Variants in WBP2 observed in about 807,000 individuals in gnomAD.
WBP2 encodes the protein WW domain binding protein 2, also known as WW domain-binding protein 2.
Under a neutral mutation model 33.0 loss-of-function variants are expected in WBP2, and 23 were observed. That is an observed-to-expected ratio of 0.70 (90% CI 0.50 to 0.99). The LOEUF (loss-of-function observed/expected upper bound fraction) is 0.99, where lower values mean the gene tolerates loss of function less well. Ranked by LOEUF, WBP2 falls within the 50% of genes least tolerant of loss-of-function variation. The pLI is 0.00. For synonymous variants in WBP2, 153 were observed against 133.5 expected (o/e 1.15, Z -1.01); for missense variants, 353 against 358.0 (o/e 0.99, Z 0.11).
intron 1 of WBP2, 135 bp from the exon 2 acceptor site, chr17:75,851,811 T>C: frequency 1.5e-6 from 1 of 657,622 alleles, no homozygotes; most frequent in Non-Finnish European, 2.8e-6. Context: ...GCATTAAAAC[T>C]ATTCATAGGG....
chr17:75,849,746 GGA>G lies in WBP2; in HGVS notation c.169-9_169-8del. On this transcript the variant is annotated splice_region_variant and splice_polypyrimidine_tract_variant and intron_variant, in intron 2 of 7. Transcript: ENST00000254806. The stretch of plus-strand genomic sequence containing the variant: ...CCTTGGACAGAAAGATGACCTGCAG[GGA>G]GAGAGGGTGAGGCCATCAGTACTAG... 1 of 1,613,800 alleles carries G rather than the reference GGA, an allele frequency of 6.2e-7. No individual in the cohort carries two copies. Among genetic ancestry groups the G allele is most frequent in the Non-Finnish European group, 8.5e-7 (1 of 1,179,984 alleles).
intron 1 of WBP2, 51 bp from the exon 2 acceptor site, chr17:75,851,727 C>T (rs1441998959): frequency 1.5e-5 from 21 of 1,404,388 alleles, no homozygotes; most frequent in East Asian, 2.3e-5. Context: ...GGAGACGCGA[C>T]GTCACCCAGA....
chr17:75,849,530 C>A (rs1278374298), intron 3 of WBP2, 74 bp downstream of exon 3: 8 of 1,585,096 alleles, frequency 5.0e-6, no homozygotes, highest in Non-Finnish European at 6.9e-6. Flanking sequence ...GGGACGCCCC[C>A]ACGGCGGCAG....
intron 1 of WBP2, 109 bp downstream of exon 1, chr17:75,855,130 C>T: frequency 1.3e-6 from 1 of 749,508 alleles, no homozygotes; most frequent in Non-Finnish European, 2.0e-6. Context: ...CAACCTCACT[C>T]CATCAGTGCT....
In WBP2 at chr17:75,847,950, G is replaced by A. The variant is rs1218752149; in HGVS notation, c.398-20C>T. On this transcript the variant is annotated intron_variant, in intron 4 of 7. Transcript: ENST00000254806. ...TGGAGGCTACGAGTACAAGGGGAAA[G>A]AGAAATGAGCGTGGCCTGCCTTGGG... 1.9e-6 allele frequency: 3 copies of A among 1,560,724 alleles called. No homozygotes were observed. In the African/African-American group the frequency reaches 4.1e-5, roughly 21 times the overall value.
chr17:75,848,770 G>T, intron 3 of WBP2, 108 bp from the exon 4 acceptor site: 1 of 997,072 alleles, frequency 1.0e-6, no homozygotes, highest in South Asian at 1.4e-5. Flanking sequence ...GGAGGCCTGC[G>T]GGGGCTGGGC....
chr17:75,847,991 C>A lies in WBP2; in HGVS notation c.398-61G>T. ...CTGCCTTGGGGCGGGGAGAGGGCAG[C>A]CCCGCTGCCTGCAGATGGGAGCTAC... On this transcript the variant is annotated intron_variant, in intron 4 of 7. Transcript: ENST00000254806. 1.9e-6 allele frequency: 3 copies of A among 1,548,784 alleles called. No homozygotes were observed. In the South Asian group the frequency reaches 3.6e-5, roughly 18 times the overall value.
At position 75,846,721 on chromosome 17, in the gene WBP2, G is replaced by C; in HGVS notation, c.*13C>G. ...TAGAGAGATGAGGGTGGGAGGCAGG[G>C]AGGCAGGAGGGCCTACTGGGTCTTC... On this transcript the variant is annotated 3_prime_UTR_variant, in exon 8 of 8. Coordinates refer to ENST00000254806, the MANE Select transcript of WBP2 (RefSeq NM_012478.4). The surrounding 1 kb of genome is among the most constrained non-coding windows in gnomAD (Gnocchi z 4.8). 6.6e-7 allele frequency: 1 copy of C among 1,514,322 alleles called. No homozygotes were observed. The highest frequency in any genetic ancestry group is 8.9e-7 in the Non-Finnish European group (1 of 1,128,288). The allele number at this position is 1,514,322 out of a possible 1,614,324, so 93.8% of individuals were successfully genotyped here.
intron 1 of WBP2, chr17:75,852,134 T>C (rs2065031468): frequency 1.2e-5 from 2 of 166,358 alleles, no homozygotes; most frequent in African/African-American, 4.8e-5. Flanking sequence ...AAGCCATTCA[T>C]AGGGCCAGGC....
At position 75,848,490 on chromosome 17, in the gene WBP2, A is replaced by C. The variant is rs535147099; in HGVS notation, c.397+80T>G. 663 of 1,408,312 alleles carry C rather than the reference A, an allele frequency of 4.7e-4. 4 individuals are homozygous for C. The highest frequency in any genetic ancestry group is 4.3e-3 in the South Asian group (351 of 82,248). The allele number at this position is 1,408,312 out of a possible 1,614,324, so 87.2% of individuals were successfully genotyped here. On this transcript the variant is annotated intron_variant, in intron 4 of 7. Coordinates refer to ENST00000254806, the MANE Select transcript of WBP2 (RefSeq NM_012478.4). ...TACCTCTTGAGTTCTTGAAAAAGCAAAACGAAAAGGAAGCAAACTCATACC... is the reference window on the plus strand; with the variant it reads ...TACCTCTTGAGTTCTTGAAAAAGCACAACGAAAAGGAAGCAAACTCATACC...
rs1022962798 is a variant in WBP2 at position 75,846,387 on chromosome 17, C to A, written c.*347G>T. The A allele has an allele frequency of 8.0e-6, 3 of 376,720 alleles. No homozygotes were observed. Among genetic ancestry groups the A allele is most frequent in the Non-Finnish European group, 1.5e-5 (3 of 200,454 alleles). The allele number at this position is 376,720 out of a possible 1,614,324, so 23.3% of individuals were successfully genotyped here. A position where few individuals can be genotyped will look rare whatever the true frequency, so the allele number is the denominator to read the frequency against. On this transcript the variant is annotated 3_prime_UTR_variant, in exon 8 of 8. Transcript: ENST00000254806. This position sits in a 1 kb window ranked among gnomAD's most constrained non-coding sequence, Gnocchi z 4.8. Reference sequence around the variant, plus strand: ...GCTGAGTGTAGCAGTGGGTGCCAGACTGAGGGAGCTGGACTGCGGTGGAGG... The same window carrying A: ...GCTGAGTGTAGCAGTGGGTGCCAGAATGAGGGAGCTGGACTGCGGTGGAGG...
At chr17:75,852,236 T>G (rs1418212265) in intron 1 of WBP2, 1 of 152,888 alleles carries the variant, frequency 6.5e-6, no homozygotes, top group Non-Finnish European at 1.5e-5. Context: ...CTGGGCAACA[T>G]GGTGAGACCT....
chr17:75,847,604 A>G lies in WBP2; in HGVS notation c.538T>C (p.Tyr180His). 6.2e-7 allele frequency: 1 copy of G among 1,613,056 alleles called. No homozygotes were observed. The highest frequency in any genetic ancestry group is 8.5e-7 in the Non-Finnish European group (1 of 1,179,670). Residue 180 changes from tyrosine to histidine, a missense_variant, in exon 6 of 8, where the codon TAT becomes CAT. Coordinates refer to ENST00000254806, the MANE Select transcript of WBP2 (RefSeq NM_012478.4). Reference protein sequence around the residue: ...YPYPPPPPEFYPGPPMMDGAM... With the variant: ...YPYPPPPPEFHPGPPMMDGAM... ...CCGTCCATCATGGGGGGTCCTGGAT[A>G]GAACTCTGCTCGGTGAGAGAGTAAC...
chr17:75,848,846 C>T, intron 3 of WBP2, 184 bp from the exon 4 acceptor site: 1 of 621,840 alleles, frequency 1.6e-6, no homozygotes, highest in Non-Finnish European at 2.9e-6. Flanking sequence ...GGAGCCAGCA[C>T]TGCAGCCTGG....
intron 2 of WBP2, among the ~76,000 whole-genome samples, chr17:75,850,028 T>C (rs887010498): frequency 4.6e-5 from 7 of 152,034 alleles, no homozygotes; most frequent in African/African-American, 1.2e-4. Context: ...GGTGGCAGTG[T>C]TGCCTAAGTG....
intron 2 of WBP2, among the ~76,000 whole-genome samples, chr17:75,850,250 CTTTTT>C (rs777399596): frequency 1.8e-5 from 2 of 110,850 alleles, no homozygotes; most frequent in African/African-American, 7.3e-5. Context: ...CTTTTCTTTT[CTTTTT>C]TTTTTTTTGA....
intron 6 of WBP2, 65 bp downstream of exon 6, chr17:75,847,422 C>T: frequency 6.4e-7 from 1 of 1,556,864 alleles, no homozygotes; most frequent in Non-Finnish European, 8.7e-7. Flanking sequence ...TTCTGAGGCT[C>T]TCTGTGCGAC....
At chr17:75,855,556 A>G (rs2065053724), upstream of WBP2, 5 of 537,542 alleles carry the variant, frequency 9.3e-6, no homozygotes, top group South Asian at 2.2e-5. Flanking sequence ...ATGCTGGAGG[A>G]AGGATGCATT....
intron 3 of WBP2, 151 bp from the exon 4 acceptor site, chr17:75,848,813 G>T: frequency 1.5e-6 from 1 of 684,004 alleles, no homozygotes; most frequent in Non-Finnish European, 2.6e-6. Context: ...TGGTGCCATG[G>T]TTTCCAGCCT....
Sources: gnomAD v4.1 joint callset for allele counts (sites outside exome capture counted in the v4.1 genomes callset) on GRCh38, gnomAD v4.1.1 for gene constraint, Gnocchi (gnomAD v3.1) non-coding constraint, MANE v1.5 for transcripts, NCBI Gene and HGNC (gene_info 2026-07-23, HGNC 2026-07-21) for gene names.